Variants in EID2 observed in about 807,000 individuals in gnomAD.
EID2 encodes EP300 interacting inhibitor of differentiation 2.
A neutral mutation model predicts 2.6 loss-of-function variants in EID2; 1 was observed. That is an observed-to-expected ratio of 0.39 (90% CI 0.14 to 1.85). The LOEUF (loss-of-function observed/expected upper bound fraction) is 1.85, where lower values mean the gene tolerates loss of function less well. EID2 is among the 40% of genes most tolerant of loss of function. EID2 has a pLI of 0.32. For missense variants in EID2, 285 were observed against 338.4 expected (o/e 0.84, Z 1.24); for synonymous variants, 126 against 147.2 (o/e 0.86, Z 1.04).
At position 39,539,534 on chromosome 19, in the gene EID2, C is replaced by A; in HGVS notation, c.546G>T (p.Val182=). The A allele has an allele frequency of 6.2e-7, 1 of 1,614,268 alleles. No individual in the cohort carries two copies. The change falls in exon 1 of 1, where the codon GTG becomes GTT. Residue 182 remains valine, a synonymous_variant. Transcript: ENST00000390658. ...QELEERRRRF[V]EACRAREAAF... is the part of the protein sequence containing the mutation. The stretch of plus-strand genomic sequence containing the variant: ...CTGCTTCCCTTGCTCTGCAGGCTTC[C>A]ACGAATCGCCTGCGGCGTTCTTCAA...
chr19:39,539,071 T>C lies in EID2; in HGVS notation c.*298A>G, dbSNP rs1972051747. ...CTCTAGTATTGATGTTTCATCAGTCTCAATTTTATAAAACCATCCTTTACT... is the reference window on the plus strand; with the variant it reads ...CTCTAGTATTGATGTTTCATCAGTCCCAATTTTATAAAACCATCCTTTACT... On this transcript the variant is annotated 3_prime_UTR_variant, in exon 1 of 1. Coordinates refer to ENST00000390658, the MANE Select transcript of EID2 (RefSeq NM_153232.4). The C allele has an allele frequency of 3.3e-6, 1 of 305,062 alleles. No homozygotes were observed. The highest frequency in any genetic ancestry group is 4.2e-5 in the South Asian group (1 of 24,078). The allele number at this position is 305,062 out of a possible 1,614,324, so 18.9% of individuals were successfully genotyped here.
At position 39,539,627 on chromosome 19, in the gene EID2, G is replaced by A. The variant is rs1972059048; in HGVS notation, c.453C>T (p.Ile151=). The A allele has an allele frequency of 1.2e-6, 2 of 1,614,266 alleles. No homozygotes were observed. The highest frequency in any genetic ancestry group is 1.7e-6 in the Non-Finnish European group (2 of 1,180,042). The change falls in exon 1 of 1, where the codon ATC becomes ATT. Residue 151 remains isoleucine (I), a synonymous_variant. Transcript: ENST00000390658. ...AGTGGCGGAGAAACTGCTGGTAATT[G>A]ATGCCTAAAACGCTAAGTGGGTGGC... ...RLRHPLSVLG[I]NYQQFLRHYL...
chr19:39,539,420 G>A lies in EID2; in HGVS notation c.660C>T (p.Ile220=). 3 of 1,614,194 alleles carry A rather than the reference G, an allele frequency of 1.9e-6. No individual in the cohort carries two copies. The highest frequency in any genetic ancestry group is 2.2e-5 in the East Asian group (1 of 44,886). ...FTIALTASEV[I]NPLIEELGCD... ...AACCAAGTTCTTCTATCAGAGGGTT[G>A]ATAACTTCAGAGGCAGTCAGAGCTA... Residue 220 remains isoleucine (I), a synonymous_variant, in exon 1 of 1, where the codon ATC becomes ATT. Coordinates refer to ENST00000390658, the MANE Select transcript of EID2 (RefSeq NM_153232.4).
chr19:39,539,607 C>T lies in EID2; in HGVS notation c.473G>A (p.Arg158His), dbSNP rs567845080. 1 of 1,614,242 alleles carries T rather than the reference C, an allele frequency of 6.2e-7. No individual in the cohort carries two copies. Among genetic ancestry groups the T allele is most frequent in the African/African-American group, 1.3e-5 (1 of 75,062 alleles). The change falls in exon 1 of 1, where the codon CGC becomes CAC. Residue 158 changes from arginine to histidine, a missense_variant. Coordinates refer to ENST00000390658, the MANE Select transcript of EID2 (RefSeq NM_153232.4). Reference sequence around the variant, plus strand: ...AATCGGGTAATTTTCCAGATAGTGGCGGAGAAACTGCTGGTAATTGATGCC... The same window carrying T: ...AATCGGGTAATTTTCCAGATAGTGGTGGAGAAACTGCTGGTAATTGATGCC... ...VLGINYQQFLRHYLENYPIAP... is the reference protein window; with the variant it reads ...VLGINYQQFLHHYLENYPIAP...
rs141893929 is a variant in EID2 at position 39,539,186 on chromosome 19, A to G, written c.*183T>C. ...AAACTCAAAGAACGTTACAGTTATA[A>G]TGCTTTCGACATTTTTTTCTACTTC... On this transcript the variant is annotated 3_prime_UTR_variant, in exon 1 of 1. Transcript: ENST00000390658. 4.2e-5 allele frequency: 25 copies of G among 591,896 alleles called. No homozygotes were observed. The East Asian group carries it at 7.2e-4, about 17-fold the overall frequency. 36.7% of individuals were successfully genotyped at this position (591,896 alleles called of 1,614,324 possible).
At position 39,539,877 on chromosome 19, in the gene EID2, G is replaced by GCCCTGGCCGCCGCCATCCGACCTT; in HGVS notation, c.179_202dup (p.Glu60_Arg67dup). On this transcript the variant is annotated inframe_insertion, in exon 1 of 1. Transcript: ENST00000390658. ...TCCCCTGGCTGCCGCCGCCGGGGCTGCCCTGGCCGCCGCCATCCGACCTTC... is the reference window on the plus strand; with the variant it reads ...TCCCCTGGCTGCCGCCGCCGGGGCTGCCCTGGCCGCCGCCATCCGACCTTCCCTGGCCGCCGCCATCCGACCTTC... The GCCCTGGCCGCCGCCATCCGACCTT allele has an allele frequency of 2.2e-6, 3 of 1,368,412 alleles. No individual in the cohort carries two copies. Among genetic ancestry groups the GCCCTGGCCGCCGCCATCCGACCTT allele is most frequent in the Non-Finnish European group, 2.8e-6 (3 of 1,064,600 alleles). 84.8% of individuals were successfully genotyped at this position (1,368,412 alleles called of 1,614,324 possible).
chr19:39,540,121 G>T lies in EID2; in HGVS notation c.-42C>A. On this transcript the variant is annotated 5_prime_UTR_variant, in exon 1 of 1. Transcript: ENST00000390658. ...AACTCGGCTGCTCCCAGAGAAACTG[G>T]AATAACTGGACAGAGCGATGCCCGG... 4 of 1,582,698 alleles carry T rather than the reference G, an allele frequency of 2.5e-6. No homozygotes were observed. The highest frequency in any genetic ancestry group is 2.5e-5 in the East Asian group (1 of 40,520).
In EID2 at chr19:39,539,254, TCCC is replaced by T; in HGVS notation, c.*112_*114del. 1.1e-6 allele frequency: 1 copy of T among 933,694 alleles called. No homozygotes were observed. Among genetic ancestry groups the T allele is most frequent in the Non-Finnish European group, 1.6e-6 (1 of 625,200 alleles). 57.8% of individuals were successfully genotyped at this position (933,694 alleles called of 1,614,324 possible). ...ATAAGCTTCCCCCTCCCCCTTTTTTTCCCCTCCACCTGTGCACTGTCTTATCGC... is the reference window on the plus strand; with the variant it reads ...ATAAGCTTCCCCCTCCCCCTTTTTTTCTCCACCTGTGCACTGTCTTATCGC... On this transcript the variant is annotated 3_prime_UTR_variant, in exon 1 of 1. Transcript: ENST00000390658.
Position 39,539,238 on chromosome 19 carries a change from C to A in EID2, c.*131G>T. ...GTGATGCTTTTTCAAGATAAGCTTC[C>A]CCCTCCCCCTTTTTTTCCCCTCCAC... On this transcript the variant is annotated 3_prime_UTR_variant, in exon 1 of 1. Transcript: ENST00000390658. 1.3e-6 allele frequency: 1 copy of A among 756,228 alleles called. No individual in the cohort carries two copies. Among genetic ancestry groups the A allele is most frequent in the Admixed American group, 2.9e-5 (1 of 34,974 alleles). The allele number at this position is 756,228 out of a possible 1,614,324, so 46.8% of individuals were successfully genotyped here. A position where few individuals can be genotyped will look rare whatever the true frequency, so the allele number is the denominator to read the frequency against.
Position 39,539,022 on chromosome 19 carries a change from G to C in EID2, c.*347C>G, listed in dbSNP as rs1051841377. 3.2e-5 allele frequency: 7 copies of C among 219,778 alleles called. No individual in the cohort carries two copies. In the South Asian group the frequency reaches 4.9e-4, roughly 16 times the overall value. The allele number at this position is 219,778 out of a possible 1,614,324, so 13.6% of individuals were successfully genotyped here. On this transcript the variant is annotated 3_prime_UTR_variant, in exon 1 of 1. Coordinates refer to ENST00000390658, the MANE Select transcript of EID2 (RefSeq NM_153232.4). ...CATCTTATTCTGTTCAGCACTATTT[G>C]ATAATTTCTTTCATCCTCATGGGCT...
rs771138248 is a variant in EID2 at position 39,540,097 on chromosome 19, A to G, written c.-18T>C. ...TTGGACATCTCAGACCGTGGGGTCAACTCGGCTGCTCCCAGAGAAACTGGA... is the reference window on the plus strand; with the variant it reads ...TTGGACATCTCAGACCGTGGGGTCAGCTCGGCTGCTCCCAGAGAAACTGGA... On this transcript the variant is annotated 5_prime_UTR_variant, in exon 1 of 1. Coordinates refer to ENST00000390658, the MANE Select transcript of EID2 (RefSeq NM_153232.4). 9 of 1,595,036 alleles carry G rather than the reference A, an allele frequency of 5.6e-6. No homozygotes were observed. The African/African-American group carries it at 1.2e-4, about 22-fold the overall frequency.
Position 39,539,247 on chromosome 19 carries a change from C to G in EID2, c.*122G>C, listed in dbSNP as rs1972053534. ...TTTCAAGATAAGCTTCCCCCTCCCCCTTTTTTTCCCCTCCACCTGTGCACT... is the reference window on the plus strand; with the variant it reads ...TTTCAAGATAAGCTTCCCCCTCCCCGTTTTTTTCCCCTCCACCTGTGCACT... On this transcript the variant is annotated 3_prime_UTR_variant, in exon 1 of 1. Transcript: ENST00000390658. 2.3e-6 allele frequency: 2 copies of G among 876,764 alleles called. No homozygotes were observed. The highest frequency in any genetic ancestry group is 3.5e-6 in the Non-Finnish European group (2 of 577,092). 54.3% of individuals were successfully genotyped at this position (876,764 alleles called of 1,614,324 possible). A position where few individuals can be genotyped will look rare whatever the true frequency, so the allele number is the denominator to read the frequency against.
rs538646874 is a variant in EID2 at position 39,539,861 on chromosome 19, T to C, written c.219A>G (p.Ala73=). The C allele has an allele frequency of 8.8e-5, 117 of 1,328,228 alleles. No individual in the cohort carries two copies. Among genetic ancestry groups the C allele is most frequent in the African/African-American group, 8.2e-4 (53 of 64,376 alleles). 82.3% of individuals were successfully genotyped at this position (1,328,228 alleles called of 1,614,324 possible). A position where few individuals can be genotyped will look rare whatever the true frequency, so the allele number is the denominator to read the frequency against. The part of the protein sequence containing the change: ...MAAARAAPAA[A]ARGAPVAAAA... ...CCGCTGCCACCGGGGCTCCCCTGGC[T>C]GCCGCCGCCGGGGCTGCCCTGGCCG... The change falls in exon 1 of 1, where the codon GCA becomes GCG. Residue 73 remains alanine, a synonymous_variant. Transcript: ENST00000390658.
At position 39,539,190 on chromosome 19, in the gene EID2, T is replaced by C. The variant is rs1972052866; in HGVS notation, c.*179A>G. On this transcript the variant is annotated 3_prime_UTR_variant, in exon 1 of 1. Transcript: ENST00000390658. ...TCAAAGAACGTTACAGTTATAATGC[T>C]TTCGACATTTTTTTCTACTTCTGTG... is the stretch of plus-strand genomic sequence containing the variant. 2 of 596,618 alleles carry C rather than the reference T, an allele frequency of 3.4e-6. No homozygotes were observed. The highest frequency in any genetic ancestry group is 5.8e-6 in the Non-Finnish European group (2 of 343,488). The allele number at this position is 596,618 out of a possible 1,614,324, so 37.0% of individuals were successfully genotyped here. A position where few individuals can be genotyped will look rare whatever the true frequency, so the allele number is the denominator to read the frequency against.
chr19:39,539,984 CCGCCTCCCG>C lies in EID2; in HGVS notation c.87_95del (p.Gly30_Arg32del). On this transcript the variant is annotated inframe_deletion, in exon 1 of 1. Coordinates refer to ENST00000390658, the MANE Select transcript of EID2 (RefSeq NM_153232.4). ...CCTCAGGCTGTGCCGGGGCCGGCTC[CCGCCTCCCG>C]CGGCCTACCTCCGCCTGCGGGACGT... 6.3e-7 allele frequency: 1 copy of C among 1,586,264 alleles called. No individual in the cohort carries two copies. The highest frequency in any genetic ancestry group is 1.4e-5 in the African/African-American group (1 of 73,330).
rs1045430519 is a variant in EID2 at position 39,539,856 on chromosome 19, C to A, written c.224G>T (p.Arg75Met). The A allele has an allele frequency of 8.3e-6, 11 of 1,332,336 alleles. No homozygotes were observed. Among genetic ancestry groups the A allele is most frequent in the Admixed American group, 3.7e-5 (1 of 26,938 alleles). 82.5% of individuals were successfully genotyped at this position (1,332,336 alleles called of 1,614,324 possible). ...CGCCGCCGCTGCCACCGGGGCTCCC[C>A]TGGCTGCCGCCGCCGGGGCTGCCCT... ...AARAAPAAAA[R>M]GAPVAAAALA... The change falls in exon 1 of 1, where the codon AGG becomes ATG. Residue 75 changes from arginine to methionine, a missense_variant. Coordinates refer to ENST00000390658, the MANE Select transcript of EID2 (RefSeq NM_153232.4).
In EID2 at chr19:39,539,067, A is replaced by T. The variant is rs1229745652; in HGVS notation, c.*302T>A. 3 of 296,896 alleles carry T rather than the reference A, an allele frequency of 1.0e-5. No individual in the cohort carries two copies. Among genetic ancestry groups the T allele is most frequent in the Admixed American group, 4.8e-5 (1 of 20,776 alleles). The allele number at this position is 296,896 out of a possible 1,614,324, so 18.4% of individuals were successfully genotyped here. On this transcript the variant is annotated 3_prime_UTR_variant, in exon 1 of 1. Coordinates refer to ENST00000390658, the MANE Select transcript of EID2 (RefSeq NM_153232.4). ...TGGGCTCTAGTATTGATGTTTCATC[A>T]GTCTCAATTTTATAAAACCATCCTT...
In EID2 at chr19:39,540,108, C is replaced by T. The variant is rs772458412; in HGVS notation, c.-29G>A. On this transcript the variant is annotated 5_prime_UTR_variant, in exon 1 of 1. Coordinates refer to ENST00000390658, the MANE Select transcript of EID2 (RefSeq NM_153232.4). Reference sequence around the variant, plus strand: ...AGACCGTGGGGTCAACTCGGCTGCTCCCAGAGAAACTGGAATAACTGGACA... The same window carrying T: ...AGACCGTGGGGTCAACTCGGCTGCTTCCAGAGAAACTGGAATAACTGGACA... 8 of 1,586,946 alleles carry T rather than the reference C, an allele frequency of 5.0e-6. No individual in the cohort carries two copies. In the East Asian group the frequency reaches 2.0e-4, roughly 39 times the overall value.
Position 39,539,226 on chromosome 19 carries a change from A to G in EID2, c.*143T>C. 1 of 705,620 alleles carries G rather than the reference A, an allele frequency of 1.4e-6. No homozygotes were observed. The highest frequency in any genetic ancestry group is 2.3e-6 in the Non-Finnish European group (1 of 431,202). 43.7% of individuals were successfully genotyped at this position (705,620 alleles called of 1,614,324 possible). On this transcript the variant is annotated 3_prime_UTR_variant, in exon 1 of 1. Transcript: ENST00000390658. ...TTTTCTACTTCTGTGATGCTTTTTC[A>G]AGATAAGCTTCCCCCTCCCCCTTTT... is the stretch of plus-strand genomic sequence containing the variant.
Sources: allele counts gnomAD v4.1 joint callset, GRCh38; gene constraint gnomAD v4.1.1; transcripts MANE v1.5; gene names NCBI Gene and HGNC (gene_info 2026-07-23, HGNC 2026-07-21).